Variants in APBB2 observed in about 807,000 individuals in gnomAD.
The protein encoded by APBB2 is Fe65-like 1.
Under a neutral mutation model 82.5 loss-of-function variants are expected in APBB2, and 38 were observed. That is an observed-to-expected ratio of 0.46 (90% confidence interval 0.36 to 0.60). The LOEUF is 0.60. Among genes scored for constraint, APBB2 ranks in the 20% least tolerant of loss-of-function variants. The probability of loss-of-function intolerance (pLI) is 0.00; values close to 1 mark genes in which losing one functional copy is unlikely to be tolerated. For missense variants in APBB2, 772 were observed against 972.3 expected (o/e 0.79, Z 2.74); for synonymous variants, 341 against 368.2 (o/e 0.93, Z 0.85).
intron 5 of APBB2, among the ~76,000 whole-genome samples, chr4:41,022,817 G>A (rs1343966255): frequency 6.6e-6 from 1 of 151,252 alleles, no homozygotes; most frequent in Non-Finnish European, 1.5e-5. Flanking sequence ...ATTTCTGAGA[G>A]TTTCTTATTA....
chr4:40,950,912 A>G (rs977812713), intron 6 of APBB2, among the ~76,000 whole-genome samples: 1 of 152,200 alleles, frequency 6.6e-6, no homozygotes, highest in Non-Finnish European at 1.5e-5. Flanking sequence ...AGCAGAATAA[A>G]TGAACAAAAA....
At chr4:41,152,737 G>A (rs922384700) in intron 1 of APBB2, among the ~76,000 whole-genome samples, 2 of 152,136 alleles carry the variant, frequency 1.3e-5, no homozygotes, top group African/African-American at 4.8e-5. Flanking sequence ...AAATCCTAAG[G>A]TCTAAAGTGA....
intron 7 of APBB2, among the ~76,000 whole-genome samples, chr4:40,942,815 C>A (rs917824684): frequency 6.6e-6 from 1 of 152,126 alleles, no homozygotes; most frequent in African/African-American, 2.4e-5. Flanking sequence ...TGCTACCTGG[C>A]AGTTTTCCCC....
intron 6 of APBB2, among the ~76,000 whole-genome samples, chr4:40,982,299 A>G: frequency 2.1e-5 from 1 of 47,304 alleles, no homozygotes; most frequent in Non-Finnish European, 4.4e-5. Flanking sequence ...GGAAGGAAGG[A>G]AGGAAGGAAA....
At chr4:40,874,355 C>G (rs948654899) in intron 12 of APBB2, among the ~76,000 whole-genome samples, 2 of 152,132 alleles carry the variant, frequency 1.3e-5, no homozygotes, top group African/African-American at 4.8e-5. Flanking sequence ...TATCCAAGGG[C>G]AATTTAACAA....
chr4:41,159,575 C>A (rs1376446760), intron 1 of APBB2, among the ~76,000 whole-genome samples: 1 of 152,126 alleles, frequency 6.6e-6, no homozygotes, highest in African/African-American at 2.4e-5. Flanking sequence ...TTATATCTAA[C>A]CTTTTCAACT....
intron 1 of APBB2, among the ~76,000 whole-genome samples, chr4:41,148,579 C>T (rs548769368): frequency 6.6e-6 from 1 of 152,154 alleles, no homozygotes; most frequent in South Asian, 2.1e-4. Context: ...TCTTTCTGCA[C>T]GGACTGACTC....
chr4:41,110,931 T>C (rs1345732165), intron 2 of APBB2, among the ~76,000 whole-genome samples: 1 of 152,208 alleles, frequency 6.6e-6, no homozygotes, highest in Non-Finnish European at 1.5e-5. Context: ...TATAATGAAG[T>C]AACTATACAA....
intron 4 of APBB2, among the ~76,000 whole-genome samples, chr4:41,044,740 TG>T (rs1270772260): frequency 6.6e-6 from 1 of 152,216 alleles, no homozygotes; most frequent in Admixed American, 6.5e-5. Context: ...TTCCCTTTTT[TG>T]TCTAGATGCC....
At chr4:40,938,448 T>G (rs1161854932) in intron 7 of APBB2, among the ~76,000 whole-genome samples, 1 of 152,232 alleles carries the variant, frequency 6.6e-6, no homozygotes, top group Non-Finnish European at 1.5e-5. Context: ...CCTTGACTAC[T>G]GAGAGTTTTC....
intron 12 of APBB2, among the ~76,000 whole-genome samples, chr4:40,858,923 G>A (rs767391816): frequency 1.3e-5 from 2 of 152,224 alleles, no homozygotes; most frequent in Non-Finnish European, 2.9e-5. Context: ...GAGGCTAGAA[G>A]AGGGTTTAAG....
chr4:41,049,540 G>A (rs1447152748), intron 4 of APBB2, among the ~76,000 whole-genome samples: 5 of 142,690 alleles, frequency 3.5e-5, no homozygotes, highest in Non-Finnish European at 6.0e-5. Flanking sequence ...CAGCCGCCCC[G>A]TCCGGGAGGG....
chr4:41,059,482 G>A (rs934718024), intron 4 of APBB2, among the ~76,000 whole-genome samples: 7 of 152,374 alleles, frequency 4.6e-5, no homozygotes, highest in African/African-American at 1.7e-4. Flanking sequence ...TGTTCACAAT[G>A]GCCCTAACGC....
intron 12 of APBB2, among the ~76,000 whole-genome samples, chr4:40,874,942 TAA>T (rs1766489929): frequency 6.6e-6 from 1 of 152,064 alleles, no homozygotes; most frequent in Admixed American, 6.5e-5. Context: ...TTTTAAAAGT[TAA>T]AAGAGTAGTA....
At chr4:41,109,150 G>A (rs927510726) in intron 2 of APBB2, among the ~76,000 whole-genome samples, 4 of 152,062 alleles carry the variant, frequency 2.6e-5, no homozygotes, top group South Asian at 2.1e-4. Context: ...CTGTAATCCC[G>A]ACACTCTAAG....
chr4:41,045,389 G>C (rs1723037118), intron 4 of APBB2, among the ~76,000 whole-genome samples: 2 of 152,080 alleles, frequency 1.3e-5, no homozygotes, highest in Admixed American at 6.6e-5. Context: ...CGCCTCCCAT[G>C]TTCACGCCAT....
chr4:40,833,790 A>C (rs1415695245), intron 12 of APBB2, among the ~76,000 whole-genome samples: 1 of 152,148 alleles, frequency 6.6e-6, no homozygotes, highest in African/African-American at 2.4e-5. Flanking sequence ...CTCTGATAGA[A>C]GCCTCCAAGA....
chr4:41,199,521 T>C (rs558250698), intron 1 of APBB2, among the ~76,000 whole-genome samples: 9 of 152,326 alleles, frequency 5.9e-5, no homozygotes, highest in East Asian at 3.9e-4. Flanking sequence ...AGCAACACCT[T>C]TGAATTTTGA....
chr4:41,014,409 A>G lies in APBB2; in HGVS notation c.20-11T>C. On this transcript the variant is annotated splice_polypyrimidine_tract_variant and intron_variant, in intron 5 of 17. Coordinates refer to ENST00000508593, the MANE Select transcript of APBB2 (RefSeq NM_004307.2). Reference sequence around the variant, plus strand: ...CAACACCTGAGTCAGCTGGGGAAAAAAAAAGTCATTAGACACCTGCCATGA... The same window carrying G: ...CAACACCTGAGTCAGCTGGGGAAAAGAAAAGTCATTAGACACCTGCCATGA... 2 of 1,612,068 alleles carry G rather than the reference A, an allele frequency of 1.2e-6. No homozygotes were observed. The highest frequency in any genetic ancestry group is 2.2e-5 in the South Asian group (2 of 90,944).
Sources: allele counts gnomAD v4.1 joint callset (sites outside exome capture counted in the v4.1 genomes callset), GRCh38; gene constraint gnomAD v4.1.1; transcripts MANE v1.5; gene names NCBI Gene and HGNC (gene_info 2026-07-23, HGNC 2026-07-21).